The following MALRD1 variants were observed in gnomAD, a reference collection of about 807,000 sequenced individuals.
The protein encoded by MALRD1 is MAM and LDL receptor class A domain containing 1, also known as MAM and LDL-receptor class A domain-containing protein 1.
A neutral mutation model predicts 242.1 loss-of-function variants in MALRD1; 247 were observed. That is an observed-to-expected ratio of 1.02 (90% confidence interval 0.92 to 1.13). The LOEUF (loss-of-function observed/expected upper bound fraction) is 1.13. Among genes scored for constraint, MALRD1 ranks in the 50% most tolerant of loss-of-function variants. The pLI is 0.00. For synonymous variants in MALRD1, 995 were observed against 866.6 expected (o/e 1.15, Z -2.60); for missense variants, 2,989 against 2,533.1 (o/e 1.18, Z -3.86).
chr10:19,238,565 A>T (rs1324453166), intron 18 of MALRD1, among the ~76,000 whole-genome samples: 3 of 117,462 alleles, frequency 2.6e-5, no homozygotes, highest in African/African-American at 6.5e-5. Context: ...TATTATATAT[A>T]ATATACATAA....
chr10:19,523,819 A>G (rs994789545), intron 31 of MALRD1, among the ~76,000 whole-genome samples: 2 of 151,264 alleles, frequency 1.3e-5, no homozygotes, highest in African/African-American at 4.9e-5. Flanking sequence ...AGATTAATGC[A>G]TACTGCGGGG....
At chr10:19,142,171 C>CAAAAAAAAAAA (rs529000033) in intron 10 of MALRD1, among the ~76,000 whole-genome samples, 3 of 26,276 alleles carry the variant, frequency 1.1e-4, no homozygotes, top group African/African-American at 5.1e-4. Context: ...GACTCTAACT[C>CAAAAAAAAAAA]AAAAAAAAAA....
intron 18 of MALRD1, among the ~76,000 whole-genome samples, chr10:19,231,903 T>G (rs2131698827): frequency 6.6e-6 from 1 of 152,250 alleles, no homozygotes; most frequent in African/African-American, 2.4e-5. Flanking sequence ...AACAAAATAA[T>G]TAAGCATGGC....
chr10:19,324,301 TTTAA>T (rs947934329), intron 22 of MALRD1, among the ~76,000 whole-genome samples, 196 bp downstream of exon 22: 16 of 152,220 alleles, frequency 1.1e-4, no homozygotes, highest in African/African-American at 3.6e-4. Flanking sequence ...TTTTATTCTA[TTTAA>T]TTATGAATGT....
rs1400323274 is a variant in MALRD1, at chr10:19,128,681, G to T, written c.1110+294G>T. Among the ~76,000 whole-genome samples, 3 of 152,238 alleles carry T rather than the reference G, an allele frequency of 2.0e-5. 1 individual carries two copies. Among genetic ancestry groups the T allele is most frequent in the East Asian group, 3.9e-4 (2 of 5,168 alleles). ...TGGGATAGCTGAGATTCTGTATTAT[G>T]AGCTCTGTATTGAAGCTCTGATGTG... On this transcript the variant is annotated intron_variant, in intron 8 of 39. Coordinates refer to ENST00000454679, the MANE Select transcript of MALRD1 (RefSeq NM_001142308.3).
intron 21 of MALRD1, among the ~76,000 whole-genome samples, chr10:19,290,967 T>A (rs1476098080): frequency 1.3e-5 from 2 of 152,170 alleles, no homozygotes; most frequent in Admixed American, 6.5e-5. Context: ...TTCTATAGTA[T>A]GTAAACTGGC....
intron 13 of MALRD1, among the ~76,000 whole-genome samples, chr10:19,174,789 T>C (rs1435667565): frequency 6.6e-6 from 1 of 152,058 alleles, no homozygotes; most frequent in Non-Finnish European, 1.5e-5. Flanking sequence ...TATGAATGTA[T>C]ATAATATTTA....
intron 29 of MALRD1, chr10:19,491,086 C>A: frequency 3.5e-6 from 1 of 282,220 alleles, no homozygotes. Context: ...AGGAACATAT[C>A]ATTAAAATTA....
intron 31 of MALRD1, among the ~76,000 whole-genome samples, chr10:19,502,723 C>T (rs1274131823): frequency 1.3e-5 from 2 of 152,060 alleles, no homozygotes; most frequent in East Asian, 3.9e-4. Context: ...ATATTATCTG[C>T]CATAATCTTC....
chr10:19,588,644 A>G (rs1008922657), intron 33 of MALRD1, among the ~76,000 whole-genome samples: 2 of 152,104 alleles, frequency 1.3e-5, no homozygotes, highest in Non-Finnish European at 2.9e-5. Context: ...AACATTTCTT[A>G]TTTACTCATG....
chr10:19,411,437 GTACC>G (rs1433133442), intron 28 of MALRD1, among the ~76,000 whole-genome samples: 1 of 152,070 alleles, frequency 6.6e-6, no homozygotes, highest in African/African-American at 2.4e-5. Flanking sequence ...ACAATTAATG[GTACC>G]TAAGTCTTAT....
chr10:19,338,682 C>T (rs61850917), intron 24 of MALRD1, among the ~76,000 whole-genome samples: 13,373 of 148,130 alleles, frequency 0.09, 788 homozygotes, highest in East Asian at 0.16. Context: ...AGGCATGCAA[C>T]GTAAAATAAG....
At chr10:19,265,642 A>G (rs1398497430) in intron 19 of MALRD1, among the ~76,000 whole-genome samples, 3 of 152,078 alleles carry the variant, frequency 2.0e-5, no homozygotes, top group Non-Finnish European at 4.4e-5. Context: ...GGACTAACAT[A>G]TTATCTATCC....
chr10:19,319,894 CTT>C (rs34223221), intron 21 of MALRD1, among the ~76,000 whole-genome samples: 3 of 151,298 alleles, frequency 2.0e-5, no homozygotes, highest in African/African-American at 7.3e-5. Flanking sequence ...TATAATGAGT[CTT>C]TTTTTTTAAA....
intron 18 of MALRD1, among the ~76,000 whole-genome samples, chr10:19,237,761 TTATA>T (rs929382184): frequency 2.0e-4 from 24 of 122,598 alleles, no homozygotes; most frequent in Admixed American, 6.7e-4. Flanking sequence ...AAAACCATAA[TTATA>T]TATAAAAACA....
chr10:19,499,079 G>C (rs1459139003), intron 31 of MALRD1, among the ~76,000 whole-genome samples: 1 of 152,122 alleles, frequency 6.6e-6, no homozygotes, highest in Non-Finnish European at 1.5e-5. Context: ...AAGTACAGGA[G>C]CCAAAGTGTA....
chr10:19,280,742 A>G (rs1460049541), intron 20 of MALRD1, among the ~76,000 whole-genome samples: 1 of 152,214 alleles, frequency 6.6e-6, no homozygotes, highest in Non-Finnish European at 1.5e-5. Flanking sequence ...GTACCTGCCA[A>G]TTCAATGGCT....
chr10:19,217,628 G>A (rs1837378471), intron 18 of MALRD1, among the ~76,000 whole-genome samples: 1 of 150,576 alleles, frequency 6.6e-6, no homozygotes, highest in African/African-American at 2.5e-5. Context: ...CACCTCCCAG[G>A]TTCAACTGAT....
intron 26 of MALRD1, among the ~76,000 whole-genome samples, chr10:19,376,536 T>C (rs1845604743): frequency 7.0e-6 from 1 of 143,828 alleles, no homozygotes; most frequent in African/African-American, 2.6e-5. Context: ...AAGGAGTTGA[T>C]ACATTCTTTT....
Sources: gnomAD v4.1 joint callset for allele counts (sites outside exome capture counted in the v4.1 genomes callset) on GRCh38, gnomAD v4.1.1 for gene constraint, MANE v1.5 for transcripts, NCBI Gene and HGNC (gene_info 2026-07-23, HGNC 2026-07-21) for gene names.